MYO5C: variants seen among roughly 807,000 people sequenced by gnomAD.
MYO5C encodes the protein myosin VC.
In MYO5C, 194 loss-of-function variants were observed where a neutral mutation model predicts 235.7. The observed-to-expected ratio is 0.82, with a 90% CI of 0.73 to 0.93. MYO5C has a LOEUF of 0.93. Ranked by LOEUF, MYO5C falls within the 40% of genes least tolerant of loss-of-function variation. MYO5C has a pLI of 0.00. For synonymous variants in MYO5C, 707 were observed against 754.8 expected, an observed-to-expected ratio of 0.94 and a Z score of 1.04; for missense variants, 2,038 against 2,127.2, an observed-to-expected ratio of 0.96 and a Z score of 0.82.
chr15:52,261,540 C>T (rs2036694908), intron 9 of MYO5C, among the ~76,000 whole-genome samples: 1 of 152,202 alleles, frequency 6.6e-6, no homozygotes, highest in Admixed American at 6.5e-5. Flanking sequence ...CTCACCCTGC[C>T]CCACCTCGTG....
chr15:52,248,789 C>G lies in MYO5C; in HGVS notation c.1663-6G>C, dbSNP rs556448388. ...CCTTCACATTTATACTCTACCTATA[C>G]AGAGAAAGCAATTAATTATTCCCAA... On this transcript the variant is annotated splice_polypyrimidine_tract_variant and splice_region_variant and intron_variant, in intron 13 of 40. Transcript: ENST00000261839. 1.2e-6 allele frequency: 2 copies of G among 1,600,550 alleles called. No individual in the cohort carries two copies. The highest frequency in any genetic ancestry group is 2.7e-5 in the African/African-American group (2 of 74,654).
At chr15:52,278,354 T>G (rs143738809) in intron 4 of MYO5C, among the ~76,000 whole-genome samples, 1 of 152,088 alleles carries the variant, frequency 6.6e-6, no homozygotes, top group South Asian at 2.1e-4. Context: ...AGATGACACA[T>G]GGGAATGTGT....
At chr15:52,212,006 T>C (rs999918193) in intron 34 of MYO5C, 122 bp from the exon 35 acceptor site, 3 of 926,254 alleles carry the variant, frequency 3.2e-6, no homozygotes, top group Non-Finnish European at 4.6e-6. Context: ...TGAATGTATA[T>C]GGATTTATTT....
chr15:52,266,455 G>A (rs952730701), intron 8 of MYO5C, among the ~76,000 whole-genome samples: 7 of 152,176 alleles, frequency 4.6e-5, no homozygotes, highest in Admixed American at 2.6e-4. Flanking sequence ...CTCCCCTCGC[G>A]CTTCTCCAGG....
chr15:52,240,341 G>A (rs979736186), intron 20 of MYO5C, among the ~76,000 whole-genome samples: 1 of 151,912 alleles, frequency 6.6e-6, no homozygotes, highest in African/African-American at 2.4e-5. Flanking sequence ...GGCCCAGGAG[G>A]GAAGATCGCT....
intron 4 of MYO5C, among the ~76,000 whole-genome samples, chr15:52,277,555 C>T (rs2140854199): frequency 6.6e-6 from 1 of 152,318 alleles, no homozygotes; most frequent in South Asian, 2.1e-4. Flanking sequence ...AAAGACTGCA[C>T]ATCCCAGCCT....
chr15:52,263,108 C>T (rs1278297969), intron 9 of MYO5C, among the ~76,000 whole-genome samples: 3 of 152,144 alleles, frequency 2.0e-5, no homozygotes, highest in Admixed American at 2.0e-4. Flanking sequence ...AGACTTCCAG[C>T]CTCTAGAACG....
chr15:52,201,628 C>T (rs1326680438), intron 38 of MYO5C, among the ~76,000 whole-genome samples: 1 of 151,998 alleles, frequency 6.6e-6, no homozygotes, highest in South Asian at 2.1e-4. Context: ...TGGTAAATAC[C>T]TGGTTGAGTA....
chr15:52,286,889 G>A (rs2037286019), intron 1 of MYO5C, among the ~76,000 whole-genome samples: 1 of 148,282 alleles, frequency 6.7e-6, no homozygotes, highest in African/African-American at 2.5e-5. Flanking sequence ...CTATTGTCCT[G>A]TGACCCTGCC....
chr15:52,237,925 C>T lies in MYO5C; in HGVS notation c.2704-279G>A, dbSNP rs576519315. 5.3e-5 allele frequency among the ~76,000 whole-genome samples: 8 copies of T among 150,696 alleles called. No homozygotes were observed. The South Asian group carries it at 6.4e-4, about 12-fold the overall frequency. On this transcript the variant is annotated intron_variant, in intron 21 of 40. Transcript: ENST00000261839. ...CCCTAGTGTTATGAACTGTGCCCCCCGCCAAAATTCATTTGTTGAAGTCCT... is the reference window on the plus strand; with the variant it reads ...CCCTAGTGTTATGAACTGTGCCCCCTGCCAAAATTCATTTGTTGAAGTCCT...
chr15:52,240,180 C>T (rs2036180634), intron 20 of MYO5C, among the ~76,000 whole-genome samples: 1 of 152,184 alleles, frequency 6.6e-6, no homozygotes. Context: ...AGAAATTGGT[C>T]TCTGCCATAA....
At chr15:52,202,068 A>T (rs1165913917) in intron 38 of MYO5C, among the ~76,000 whole-genome samples, 1 of 152,176 alleles carries the variant, frequency 6.6e-6, no homozygotes, top group African/African-American at 2.4e-5. Context: ...TAAATATTAT[A>T]TTACATTAAA....
At chr15:52,274,173 C>A (rs2036987233) in intron 5 of MYO5C, among the ~76,000 whole-genome samples, 1 of 152,110 alleles carries the variant, frequency 6.6e-6, no homozygotes, top group African/African-American at 2.4e-5. Context: ...AAAGGTAAAC[C>A]AAATAGATAC....
At chr15:52,217,542 G>T (rs1426863122) in intron 32 of MYO5C, among the ~76,000 whole-genome samples, 1 of 152,218 alleles carries the variant, frequency 6.6e-6, no homozygotes, top group Non-Finnish European at 1.5e-5. Flanking sequence ...ACAACAGGCG[G>T]TTGCTTCTCT....
chr15:52,205,383 C>A, intron 37 of MYO5C: 1 of 518,108 alleles, frequency 1.9e-6, no homozygotes, highest in Non-Finnish European at 3.4e-6. Context: ...TGAAGCAGCA[C>A]GTTTTTCAGC....
chr15:52,197,077 T>G (rs2035070304), intron 38 of MYO5C, among the ~76,000 whole-genome samples: 1 of 152,220 alleles, frequency 6.6e-6, no homozygotes, highest in Admixed American at 6.5e-5. Flanking sequence ...GAAGACAGTT[T>G]GGTGGTTTCT....
chr15:52,203,046 G>A (rs2035224451), intron 38 of MYO5C, among the ~76,000 whole-genome samples: 1 of 151,462 alleles, frequency 6.6e-6, no homozygotes, highest in African/African-American at 2.4e-5. Context: ...TCAGCCTCAT[G>A]AGTAGCTGAG....
At position 52,269,741 on chromosome 15, in the gene MYO5C, AT is replaced by A; in HGVS notation, c.940+11del. ...AAATGGCTACATACTTGGATGGGAT[AT>A]TTTCCCTTACCCAGAAGCGTGAAGG... On this transcript the variant is annotated intron_variant, in intron 8 of 40. Transcript: ENST00000261839. 6.3e-7 allele frequency: 1 copy of A among 1,576,072 alleles called. No individual in the cohort carries two copies. Among genetic ancestry groups the A allele is most frequent in the Non-Finnish European group, 8.7e-7 (1 of 1,150,590 alleles).
In MYO5C at chr15:52,225,510, T is replaced by A; in HGVS notation, c.3230A>T (p.Glu1077Val). The A allele has an allele frequency of 6.2e-7, 1 of 1,613,300 alleles. No homozygotes were observed. The highest frequency in any genetic ancestry group is 1.1e-5 in the South Asian group (1 of 91,068). ...CTTCTGTGCCTGAAGTAGTTCTATC[T>A]CTTTTTCGAACTCAGAGATTGTCTG... ...QVKTISEFEK[E>V]IELLQAQKID... Residue 1077 changes from glutamate to valine, a missense_variant, in exon 26 of 41, where the codon GAG becomes GTG. Transcript: ENST00000261839.
Sources: allele counts gnomAD v4.1 joint callset (sites outside exome capture counted in the v4.1 genomes callset), GRCh38; gene constraint gnomAD v4.1.1; transcripts MANE v1.5; gene names NCBI Gene and HGNC (gene_info 2026-07-23, HGNC 2026-07-21).